LDB2: variants seen among roughly 807,000 people sequenced by gnomAD.
The protein encoded by LDB2 is LIM domain-binding protein 2.
A neutral mutation model predicts 44.3 loss-of-function variants in LDB2; 12 were observed. That is an observed-to-expected ratio of 0.27 (90% CI 0.17 to 0.44). The LOEUF is 0.44. LDB2 is among the 20% of genes least tolerant of loss of function. The pLI is 1.00. For missense variants in LDB2, 344 were observed against 473.5 expected, an observed-to-expected ratio of 0.73 and a Z score of 2.54; for synonymous variants, 164 against 174.8, an observed-to-expected ratio of 0.94 and a Z score of 0.49.
chr4:16,845,959 A>C (rs1463377700), intron 1 of LDB2, among the ~76,000 whole-genome samples: 1 of 152,022 alleles, frequency 6.6e-6, no homozygotes, highest in Non-Finnish European at 1.5e-5. Flanking sequence ...AATACAAAAA[A>C]TTAGCCAGGC....
intron 1 of LDB2, among the ~76,000 whole-genome samples, chr4:16,787,864 C>G (rs1273577264): frequency 6.6e-6 from 1 of 152,130 alleles, no homozygotes; most frequent in Admixed American, 6.5e-5. Flanking sequence ...TGCAGACACT[C>G]AAAATATTGT....
At chr4:16,731,357 G>A (rs1760714829) in intron 2 of LDB2, among the ~76,000 whole-genome samples, 1 of 152,206 alleles carries the variant, frequency 6.6e-6, no homozygotes, top group African/African-American at 2.4e-5. Context: ...GAATTCGTAT[G>A]TTGAAGCTCC....
At position 16,543,916 on chromosome 4, in the gene LDB2, A is replaced by G. The variant is rs1734781252; in HGVS notation, c.616-31812T>C. Among the ~76,000 whole-genome samples, 3 of 152,228 alleles carry G rather than the reference A, an allele frequency of 2.0e-5. No individual in the cohort carries two copies. The South Asian group carries it at 6.2e-4, about 32-fold the overall frequency. ...TACAAAGAACTTAAACAAATTTACA[A>G]GAAAAAAATCAAATAATTGTTTTTT... On this transcript the variant is annotated intron_variant, in intron 5 of 7. Transcript: ENST00000304523.
At chr4:16,576,068 A>G (rs1461828740) in intron 5 of LDB2, among the ~76,000 whole-genome samples, 3 of 152,214 alleles carry the variant, frequency 2.0e-5, no homozygotes, top group Non-Finnish European at 4.4e-5. Context: ...AACATAACAT[A>G]CAAAACCTAT....
intron 1 of LDB2, among the ~76,000 whole-genome samples, chr4:16,873,985 C>G (rs146620989): frequency 2.0e-5 from 3 of 152,200 alleles, no homozygotes; most frequent in African/African-American, 7.2e-5. Context: ...AGCAATGGAT[C>G]CAAATTTCAT....
intron 5 of LDB2, among the ~76,000 whole-genome samples, chr4:16,537,839 G>A (rs1049159422): frequency 3.3e-5 from 5 of 152,154 alleles, no homozygotes; most frequent in African/African-American, 9.7e-5. Flanking sequence ...CTCAAGCTCC[G>A]GTTCCGCTTA....
At chr4:16,760,929 T>C (rs1767765693) in intron 1 of LDB2, among the ~76,000 whole-genome samples, 1 of 152,108 alleles carries the variant, frequency 6.6e-6, no homozygotes. Context: ...GTTTACCACA[T>C]GCCAAGCACT....
In LDB2 at chr4:16,515,742, T is replaced by G. The variant is rs141153975; in HGVS notation, c.616-3638A>C. Among the ~76,000 whole-genome samples the G allele has an allele frequency of 4.6e-3, 701 of 152,346 alleles. 8 individuals carry two copies. The highest frequency in any genetic ancestry group is 0.016 in the African/African-American group (649 of 41,588). Reference sequence around the variant, plus strand: ...TATTTTCATTTGGTTCATTTACCACTTATTGTAAATGAGCTTATGCTGGAG... The same window carrying G: ...TATTTTCATTTGGTTCATTTACCACGTATTGTAAATGAGCTTATGCTGGAG... On this transcript the variant is annotated intron_variant, in intron 5 of 7. Transcript: ENST00000304523.
At chr4:16,781,333 C>T (rs964824947) in intron 1 of LDB2, among the ~76,000 whole-genome samples, 8 of 152,174 alleles carry the variant, frequency 5.3e-5, no homozygotes, top group Non-Finnish European at 8.8e-5. Context: ...TGAGTCTTCA[C>T]AGAGTAACTC....
chr4:16,681,134 A>T (rs963566755), intron 2 of LDB2, among the ~76,000 whole-genome samples: 2 of 152,226 alleles, frequency 1.3e-5, no homozygotes, highest in Non-Finnish European at 2.9e-5. Flanking sequence ...AAAGTGACCA[A>T]TTACATGAAC....
At chr4:16,866,739 T>C (rs905080096) in intron 1 of LDB2, among the ~76,000 whole-genome samples, 1 of 152,172 alleles carries the variant, frequency 6.6e-6, no homozygotes, top group Non-Finnish European at 1.5e-5. Context: ...TACAAAAACG[T>C]CCTGTCTTGG....
chr4:16,793,300 C>A (rs943879294), intron 1 of LDB2, among the ~76,000 whole-genome samples: 12 of 152,128 alleles, frequency 7.9e-5, no homozygotes, highest in Non-Finnish European at 1.3e-4. Flanking sequence ...AGCATCAAAG[C>A]ACCCTCTAAC....
chr4:16,514,171 A>G (rs2152246415), intron 5 of LDB2, among the ~76,000 whole-genome samples: 1 of 152,330 alleles, frequency 6.6e-6, no homozygotes, highest in Middle Eastern at 3.4e-3. Context: ...TAAACATAAA[A>G]ATGAATCATT....
intron 1 of LDB2, among the ~76,000 whole-genome samples, chr4:16,854,452 T>C (rs899068994): frequency 1.3e-5 from 2 of 151,308 alleles, no homozygotes; most frequent in Non-Finnish European, 3.0e-5. Context: ...GTGGTTATTT[T>C]GCTATGTGTC....
intron 1 of LDB2, among the ~76,000 whole-genome samples, chr4:16,887,069 GT>G (rs1199225047): frequency 1.5e-5 from 2 of 136,070 alleles, no homozygotes; most frequent in Non-Finnish European, 3.1e-5. Context: ...AATCAACACT[GT>G]TTTAAGACAA....
intron 2 of LDB2, among the ~76,000 whole-genome samples, chr4:16,756,025 A>C (rs1766570405): frequency 6.6e-6 from 1 of 152,204 alleles, no homozygotes; most frequent in South Asian, 2.1e-4. Context: ...TAAGAGATGG[A>C]GCACGTGGAG....
chr4:16,558,386 C>T (rs1206850835), intron 5 of LDB2, among the ~76,000 whole-genome samples: 1 of 152,150 alleles, frequency 6.6e-6, no homozygotes, highest in East Asian at 1.9e-4. Flanking sequence ...GAGCCAAAAG[C>T]CAAGGCTCGG....
chr4:16,704,367 T>C (rs1450253849), intron 2 of LDB2, among the ~76,000 whole-genome samples: 1 of 152,256 alleles, frequency 6.6e-6, no homozygotes, highest in Non-Finnish European at 1.5e-5. Flanking sequence ...TTGTTACTTC[T>C]ACTGTTATTA....
chr4:16,759,042 C>G, intron 2 of LDB2, 116 bp downstream of exon 2: 1 of 647,454 alleles, frequency 1.5e-6, no homozygotes, highest in Non-Finnish European at 2.7e-6. Flanking sequence ...AGAACATTCT[C>G]AGGAGTGGAG....
Sources: gnomAD v4.1 joint callset for allele counts (sites outside exome capture counted in the v4.1 genomes callset) on GRCh38, gnomAD v4.1.1 for gene constraint, MANE v1.5 for transcripts, NCBI Gene and HGNC (gene_info 2026-07-23, HGNC 2026-07-21) for gene names.